The following MTHFD2L variants were observed in gnomAD, a reference collection of about 807,000 sequenced individuals.
MTHFD2L encodes methylenetetrahydrofolate dehydrogenase (NADP+ dependent) 2 like, also known as bifunctional methylenetetrahydrofolate dehydrogenase/cyclohydrolase 2, mitochondrial.
Under a neutral mutation model 34.9 loss-of-function variants are expected in MTHFD2L, and 29 were observed. That is an observed-to-expected ratio of 0.83 (90% CI 0.62 to 1.13). MTHFD2L has a LOEUF of 1.13. Among genes scored for constraint, MTHFD2L ranks in the 50% most tolerant of loss-of-function variants. The pLI is 0.00. For missense variants in MTHFD2L, 481 were observed against 446.5 expected, an observed-to-expected ratio of 1.08 and a Z score of -0.70; for synonymous variants, 167 against 155.7, an observed-to-expected ratio of 1.07 and a Z score of -0.54.
intron 7 of MTHFD2L, among the ~76,000 whole-genome samples, chr4:74,295,372 A>C (rs1036458583): frequency 6.6e-6 from 1 of 152,080 alleles, no homozygotes; most frequent in Non-Finnish European, 1.5e-5. Context: ...TCAATCTTGC[A>C]GCTTTTCTGC....
chr4:74,153,405 G>T (rs1459550943), upstream of MTHFD2L, among the ~76,000 whole-genome samples: 5 of 152,164 alleles, frequency 3.3e-5, no homozygotes, highest in Non-Finnish European at 2.9e-5. Context: ...AAAATGTATT[G>T]TACTCTTTAA....
chr4:74,193,914 C>G (rs1733023418), intron 3 of MTHFD2L: 1 of 151,952 alleles, frequency 6.6e-6, no homozygotes, highest in Non-Finnish European at 1.5e-5. Context: ...TTTTTGTTAT[C>G]TTATTACACC....
chr4:74,142,242 G>A (rs908087505), intron 1 of MTHFD2L, among the ~76,000 whole-genome samples: 7 of 152,148 alleles, frequency 4.6e-5, no homozygotes, highest in African/African-American at 1.4e-4. Context: ...TTTAAAAAAT[G>A]CTAGTTAATG....
At position 74,175,362 on chromosome 4, in the gene MTHFD2L, A is replaced by T; in HGVS notation, c.410A>T (p.Asp137Val). 6.2e-7 allele frequency: 1 copy of T among 1,612,960 alleles called. No individual in the cohort carries two copies. Among genetic ancestry groups the T allele is most frequent in the Non-Finnish European group, 8.5e-7 (1 of 1,179,286 alleles). ...LLDVTDQLNMDPRVSGILVQL... is the reference protein window; with the variant it reads ...LLDVTDQLNMVPRVSGILVQL... Reference sequence around the variant, plus strand: ...GACGTAACTGATCAATTGAATATGGACCCAAGAGTCAGCGGTATATTAGTT... The same window carrying T: ...GACGTAACTGATCAATTGAATATGGTCCCAAGAGTCAGCGGTATATTAGTT... Residue 137 changes from aspartate (D) to valine (V), a missense_variant, in exon 3 of 8, where the codon GAC becomes GTC. Transcript: ENST00000325278.
intron 3 of MTHFD2L, among the ~76,000 whole-genome samples, chr4:74,187,760 AC>A (rs1731582179): frequency 2.0e-5 from 3 of 147,744 alleles, no homozygotes; most frequent in Non-Finnish European, 4.5e-5. Flanking sequence ...ACACACACAC[AC>A]ACACACACAC....
chr4:74,285,083 C>T (rs182850146), intron 7 of MTHFD2L, among the ~76,000 whole-genome samples: 1,872 of 151,946 alleles, frequency 0.012, 24 homozygotes, highest in Middle Eastern at 0.037. Context: ...AGCAAACTAT[C>T]GCAAGGACAA....
At chr4:74,265,160 A>G (rs1409054921) in intron 6 of MTHFD2L, among the ~76,000 whole-genome samples, 2 of 152,082 alleles carry the variant, frequency 1.3e-5, no homozygotes, top group Non-Finnish European at 2.9e-5. Flanking sequence ...CCACACATCT[A>G]TGGTTTGGTG....
chr4:74,302,297 T>C lies in MTHFD2L; in HGVS notation c.*488T>C, dbSNP rs1481134840. ...GAAAAATATTGAAATATTGAAAATATTGAAAATATTATTATTGAAAATAAA... is the reference window on the plus strand; with the variant it reads ...GAAAAATATTGAAATATTGAAAATACTGAAAATATTATTATTGAAAATAAA... On this transcript the variant is annotated 3_prime_UTR_variant, in exon 8 of 8. Transcript: ENST00000325278. 2.0e-5 allele frequency: 3 copies of C among 152,110 alleles called. No homozygotes were observed. The highest frequency in any genetic ancestry group is 1.9e-4 in the East Asian group (1 of 5,198). 9.4% of individuals were successfully genotyped at this position (152,110 alleles called of 1,614,324 possible). A position where few individuals can be genotyped will look rare whatever the true frequency, so the allele number is the denominator to read the frequency against.
intron 6 of MTHFD2L, among the ~76,000 whole-genome samples, chr4:74,251,895 A>G (rs551383841): frequency 2.6e-5 from 4 of 152,366 alleles, no homozygotes; most frequent in Admixed American, 2.0e-4. Flanking sequence ...GTCTCTGTAG[A>G]CTAGAATAAG....
At position 74,144,289 on chromosome 4, in the gene MTHFD2L, C is replaced by A. The variant is rs750478052; in HGVS notation, c.-296-15766C>A. 1.2e-4 allele frequency among the ~76,000 whole-genome samples: 18 copies of A among 152,124 alleles called. No individual in the cohort carries two copies. In the South Asian group the frequency reaches 1.2e-3, roughly 11 times the overall value. On this transcript the variant is annotated intron_variant, in intron 1 of 7. Transcript: ENST00000433372. ...CCAATATGGTGAAACCCTGTCTCTA[C>A]TAAAAATGCAAAAATTAGCTGGGCA...
At chr4:74,261,474 T>C (rs1285013714) in intron 6 of MTHFD2L, among the ~76,000 whole-genome samples, 1 of 152,104 alleles carries the variant, frequency 6.6e-6, no homozygotes, top group East Asian at 1.9e-4. Flanking sequence ...GGGAAAAGTC[T>C]GAGCAAGTAG....
intron 1 of MTHFD2L, among the ~76,000 whole-genome samples, chr4:74,163,306 T>C (rs1725864624): frequency 6.6e-6 from 1 of 152,236 alleles, no homozygotes; most frequent in African/African-American, 2.4e-5. Context: ...CTGGTTTTCC[T>C]TGTAATCTGT....
Position 74,187,333 on chromosome 4 carries a change from T to A in MTHFD2L, c.451+11930T>A, listed in dbSNP as rs566662660. ...AGAACTGTGGGATATTTTCAAAAGGTACATGCATTTGGAATAGCAGGAGAA... is the reference window on the plus strand; with the variant it reads ...AGAACTGTGGGATATTTTCAAAAGGAACATGCATTTGGAATAGCAGGAGAA... On this transcript the variant is annotated intron_variant, in intron 3 of 7. Transcript: ENST00000325278. Among the ~76,000 whole-genome samples, 3 of 152,218 alleles carry A rather than the reference T, an allele frequency of 2.0e-5. No homozygotes were observed. The East Asian group carries it at 5.8e-4, about 29-fold the overall frequency.
chr4:74,115,463 G>A (rs377309598), intron 2 of MTHFD2L, among the ~76,000 whole-genome samples: 2 of 152,256 alleles, frequency 1.3e-5, no homozygotes, highest in East Asian at 1.9e-4. Context: ...CTCCCTTTTT[G>A]TTTTAATGTT....
chr4:74,230,735 G>T (rs28695994), intron 6 of MTHFD2L, among the ~76,000 whole-genome samples: 101,495 of 152,022 alleles, frequency 0.67, 35,575 homozygotes, highest in Middle Eastern at 0.79. Context: ...AATCAGCTTT[G>T]CACAAGCTAC....
chr4:74,300,240 A>G (rs187297509), intron 7 of MTHFD2L, among the ~76,000 whole-genome samples: 64 of 152,128 alleles, frequency 4.2e-4, no homozygotes, highest in Middle Eastern at 3.4e-3. Context: ...AATTCATAAC[A>G]CATGTTAACT....
chr4:74,196,431 A>G (rs1221482955), intron 3 of MTHFD2L, among the ~76,000 whole-genome samples: 1 of 152,156 alleles, frequency 6.6e-6, no homozygotes, highest in African/African-American at 2.4e-5. Context: ...TATGGAACAC[A>G]CAGAGAAGAG....
At chr4:74,238,191 G>A (rs979920897) in intron 6 of MTHFD2L, among the ~76,000 whole-genome samples, 2 of 152,146 alleles carry the variant, frequency 1.3e-5, no homozygotes, top group African/African-American at 4.8e-5. Flanking sequence ...TGTTTGAAAT[G>A]TACTATGGAG....
upstream of MTHFD2L, chr4:74,157,726 A>G: frequency 2.2e-6 from 1 of 464,136 alleles, no homozygotes; most frequent in Admixed American, 2.3e-5. Flanking sequence ...TTTAAATCCA[A>G]TTCCACGTAG....
Sources: allele counts gnomAD v4.1 joint callset (sites outside exome capture counted in the v4.1 genomes callset), GRCh38; gene constraint gnomAD v4.1.1; transcripts MANE v1.5; gene names NCBI Gene and HGNC (gene_info 2026-07-23, HGNC 2026-07-21).